Variants in TRPM3 observed in about 807,000 individuals in gnomAD.
TRPM3 encodes the protein long transient receptor potential channel 3.
In TRPM3, 77 loss-of-function variants were observed where a neutral mutation model predicts 181.2. The ratio of observed to expected loss-of-function variants is 0.42; its 90% CI spans 0.35 to 0.51. TRPM3 has a LOEUF of 0.51. TRPM3 is among the 20% of genes least tolerant of loss of function. The probability of loss-of-function intolerance (pLI) is 0.01; values close to 1 mark genes in which losing one functional copy is unlikely to be tolerated. For synonymous variants in TRPM3, 745 were observed against 796.4 expected, an observed-to-expected ratio of 0.94 and a Z score of 1.09; for missense variants, 1,759 against 2,196.7, an observed-to-expected ratio of 0.80 and a Z score of 3.98.
chr9:70,537,320 GC>G lies in TRPM3; in HGVS notation c.3792del (p.Leu1265TrpfsTer18), dbSNP rs1294705620. ...CCGATAAGGTCTTCCAGCTGCGCCA[GC>G]CGGATGTCCACGGTCTGGAGTGAAG... ...MKASLQTVDI[R>X]LAQLEDLIGR... On this transcript the variant is annotated frameshift_variant, in exon 26 of 26. Transcript: ENST00000677713. LOFTEE classifies it high-confidence loss of function. 6.6e-7 allele frequency: 1 copy of G among 1,525,402 alleles called. No homozygotes were observed. The highest frequency in any genetic ancestry group is 8.8e-7 in the Non-Finnish European group (1 of 1,134,738). The allele number at this position is 1,525,402 out of a possible 1,614,324, so 94.5% of individuals were successfully genotyped here. A position where few individuals can be genotyped will look rare whatever the true frequency, so the allele number is the denominator to read the frequency against.
At chr9:71,020,144 T>C (rs1052922163) in intron 1 of TRPM3, among the ~76,000 whole-genome samples, 3 of 148,826 alleles carry the variant, frequency 2.0e-5, no homozygotes, top group African/African-American at 7.4e-5. Flanking sequence ...TAAATGGGGG[T>C]GAAAAAAAAA....
At chr9:70,807,835 G>A (rs1017966240) in intron 6 of TRPM3, among the ~76,000 whole-genome samples, 3 of 152,144 alleles carry the variant, frequency 2.0e-5, no homozygotes, top group Non-Finnish European at 4.4e-5. Flanking sequence ...GGATACCAGG[G>A]TATGAGCTGG....
Position 70,535,669 on chromosome 9 carries a change from C to A in TRPM3, c.*284G>T, listed in dbSNP as rs1003787775. ...CTCTCATGGCTTTCTGCTGTGACTG[C>A]GGATACACATTCATCTCTAACCCTT... On this transcript the variant is annotated 3_prime_UTR_variant, in exon 26 of 26. Transcript: ENST00000677713. 4.9e-6 allele frequency: 7 copies of A among 1,440,132 alleles called. No homozygotes were observed. Among genetic ancestry groups the A allele is most frequent in the Middle Eastern group, 2.5e-4 (1 of 4,080 alleles). 89.2% of individuals were successfully genotyped at this position (1,440,132 alleles called of 1,614,324 possible). A position where few individuals can be genotyped will look rare whatever the true frequency, so the allele number is the denominator to read the frequency against.
At chr9:71,275,399 T>C (rs941751683) in intron 1 of TRPM3, among the ~76,000 whole-genome samples, 2 of 152,132 alleles carry the variant, frequency 1.3e-5, no homozygotes, top group African/African-American at 2.4e-5. Flanking sequence ...TAAGTGAAAA[T>C]AGTTAACAGA....
At chr9:71,034,677 C>T (rs945576082) in intron 1 of TRPM3, among the ~76,000 whole-genome samples, 10 of 151,812 alleles carry the variant, frequency 6.6e-5, no homozygotes, top group Admixed American at 1.3e-4. Flanking sequence ...AACATCATCT[C>T]GGTAGCTTGA....
chr9:71,438,366 A>G (rs2094080170), intron 1 of TRPM3, among the ~76,000 whole-genome samples: 1 of 152,180 alleles, frequency 6.6e-6, no homozygotes, highest in African/African-American at 2.4e-5. Flanking sequence ...ATAGTGTTAC[A>G]GTTTTGTTTT....
chr9:70,877,206 G>T (rs2095882910), intron 1 of TRPM3, among the ~76,000 whole-genome samples: 1 of 151,836 alleles, frequency 6.6e-6, no homozygotes, highest in African/African-American at 2.4e-5. Flanking sequence ...TTCGTTACTG[G>T]ATCTCACCGG....
At chr9:70,634,322 C>G (rs946516478) in intron 12 of TRPM3, among the ~76,000 whole-genome samples, 2 of 152,100 alleles carry the variant, frequency 1.3e-5, no homozygotes, top group African/African-American at 4.8e-5. Context: ...GTTAACCAGA[C>G]CAGGCTGGCC....
chr9:70,772,953 AT>A (rs370753156), intron 7 of TRPM3, among the ~76,000 whole-genome samples: 10 of 151,606 alleles, frequency 6.6e-5, no homozygotes, highest in African/African-American at 1.2e-4. Context: ...GAAAAGTCAA[AT>A]TTTTTTTATT....
At chr9:71,314,649 C>T (rs1033740193) in intron 1 of TRPM3, among the ~76,000 whole-genome samples, 6 of 151,980 alleles carry the variant, frequency 3.9e-5, no homozygotes, top group South Asian at 2.1e-4. Flanking sequence ...TGCTCCCAGA[C>T]GGGAATCATC....
At chr9:70,822,811 C>A (rs1299283369) in intron 6 of TRPM3, among the ~76,000 whole-genome samples, 2 of 149,038 alleles carry the variant, frequency 1.3e-5, no homozygotes, top group Non-Finnish European at 3.0e-5. Flanking sequence ...CAAAGTAAGT[C>A]CCCTGGTATT....
At chr9:71,100,543 G>A (rs2068164949) in intron 1 of TRPM3, among the ~76,000 whole-genome samples, 1 of 152,022 alleles carries the variant, frequency 6.6e-6, no homozygotes, top group Non-Finnish European at 1.5e-5. Context: ...CACCTGGGAG[G>A]TATATACAAA....
chr9:71,090,341 T>C (rs901638309), intron 1 of TRPM3, among the ~76,000 whole-genome samples: 1 of 152,178 alleles, frequency 6.6e-6, no homozygotes, highest in African/African-American at 2.4e-5. Flanking sequence ...CTGCAAACTG[T>C]CTCTCTGAAA....
At chr9:70,917,173 G>A in intron 1 of TRPM3, 1 of 1,605,808 alleles carries the variant, frequency 6.2e-7, no homozygotes, top group Non-Finnish European at 8.5e-7. Context: ...GTTCTAGGAG[G>A]AGTTTCTGCT....
intron 25 of TRPM3, among the ~76,000 whole-genome samples, chr9:70,540,213 C>T (rs1291896756): frequency 1.3e-5 from 2 of 152,214 alleles, no homozygotes; most frequent in Admixed American, 6.5e-5. Context: ...TTCTGTAGCA[C>T]GAGATGTTTT....
In TRPM3 at chr9:71,355,640, T is replaced by C. The variant is rs7873433; in HGVS notation, c.183+91013A>G. ...GTCCCCCTGTGGTTATTTGAGGCCA[T>C]GTGACTATTTCTCTCCAACAAGGTA... On this transcript the variant is annotated intron_variant, in intron 1 of 24. Coordinates refer to the TRPM3 transcript ENST00000357533. Among the ~76,000 whole-genome samples the C allele has an allele frequency of 9.1e-3, 1,388 of 152,258 alleles. 23 individuals carry two copies. Among genetic ancestry groups the C allele is most frequent in the African/African-American group, 0.032 (1,315 of 41,546 alleles).
chr9:70,567,781 G>T (rs1316455437), intron 22 of TRPM3, among the ~76,000 whole-genome samples: 1 of 152,212 alleles, frequency 6.6e-6, no homozygotes, highest in African/African-American at 2.4e-5. Context: ...TGATAGGCCA[G>T]TATTCGTGGG....
chr9:71,333,185 C>T (rs998535301), intron 1 of TRPM3, among the ~76,000 whole-genome samples: 2 of 151,834 alleles, frequency 1.3e-5, no homozygotes, highest in African/African-American at 4.8e-5. Context: ...AACATGAATC[C>T]GTTAAGGGGA....
intron 1 of TRPM3, among the ~76,000 whole-genome samples, chr9:71,074,788 A>G (rs188332328): frequency 6.6e-6 from 1 of 152,266 alleles, no homozygotes; most frequent in East Asian, 1.9e-4. Flanking sequence ...GCAATTCTGG[A>G]TGCAAACAGA....
Sources: allele counts gnomAD v4.1 joint callset (sites outside exome capture counted in the v4.1 genomes callset), GRCh38; gene constraint gnomAD v4.1.1; transcripts MANE v1.5; gene names NCBI Gene and HGNC (gene_info 2026-07-23, HGNC 2026-07-21).